The following KAZN variants were observed in gnomAD, a reference collection of about 807,000 sequenced individuals.
The protein encoded by KAZN is kazrin.
Under a neutral mutation model 87.4 loss-of-function variants are expected in KAZN, and 40 were observed. The ratio of observed to expected loss-of-function variants is 0.46; its 90% CI spans 0.36 to 0.60. The LOEUF is 0.60. KAZN is among the 20% of genes least tolerant of loss of function. The pLI, the probability that KAZN is intolerant of heterozygous loss-of-function variation, is 0.00. For missense variants in KAZN, 898 were observed against 1,073.9 expected (o/e 0.84, Z 2.29); for synonymous variants, 466 against 458.3 (o/e 1.02, Z -0.22).
intron 1 of KAZN, among the ~76,000 whole-genome samples, chr1:13,920,307 G>C (rs889216890): frequency 6.7e-6 from 1 of 149,710 alleles, no homozygotes; most frequent in African/African-American, 2.5e-5. Context: ...TTTTTGCCAT[G>C]AATCAAGTGT....
intron 1 of KAZN, among the ~76,000 whole-genome samples, chr1:14,137,724 T>G (rs1186252273): frequency 1.4e-5 from 2 of 146,352 alleles, no homozygotes; most frequent in African/African-American, 5.1e-5. Context: ...TTTTTTTTTT[T>G]TGAGACAGAG....
chr1:14,337,135 G>A (rs779175275), intron 2 of KAZN, among the ~76,000 whole-genome samples: 1 of 152,224 alleles, frequency 6.6e-6, no homozygotes, highest in Non-Finnish European at 1.5e-5. Flanking sequence ...CGCATATGAA[G>A]CACTTAGCAC....
chr1:14,084,365 T>A (rs1409113269), intron 1 of KAZN, among the ~76,000 whole-genome samples: 1 of 152,124 alleles, frequency 6.6e-6, no homozygotes, highest in South Asian at 2.1e-4. Context: ...GTCAGTCAGA[T>A]GTTGGATTTA....
At chr1:14,129,305 T>A (rs1218483400) in intron 1 of KAZN, among the ~76,000 whole-genome samples, 1 of 152,244 alleles carries the variant, frequency 6.6e-6, no homozygotes, top group Non-Finnish European at 1.5e-5. Context: ...TGTGCTCTTC[T>A]TTCCCTCTGA....
chr1:14,055,925 G>A (rs188983325), intron 1 of KAZN, among the ~76,000 whole-genome samples: 39 of 152,264 alleles, frequency 2.6e-4, no homozygotes, highest in Admixed American at 9.8e-4. Flanking sequence ...CCCCACCAGG[G>A]TCTTAATCGT....
chr1:14,260,654 A>C (rs1650941771), intron 2 of KAZN, among the ~76,000 whole-genome samples: 1 of 152,176 alleles, frequency 6.6e-6, no homozygotes. Flanking sequence ...AGTAAAGGAC[A>C]CGGGCCCGGC....
intron 2 of KAZN, among the ~76,000 whole-genome samples, chr1:14,225,322 A>G (rs1647224315): frequency 6.6e-6 from 1 of 152,186 alleles, no homozygotes; most frequent in Non-Finnish European, 1.5e-5. Flanking sequence ...TCAGCTAACC[A>G]GGGAGGTGAA....
At chr1:14,613,372 A>G (rs866722913) in intron 1 of KAZN, among the ~76,000 whole-genome samples, 2 of 152,216 alleles carry the variant, frequency 1.3e-5, no homozygotes, top group East Asian at 3.8e-4. Context: ...CAGTATTAAC[A>G]TTAGCCAGGG....
chr1:14,434,915 C>T (rs1192295104), intron 2 of KAZN, among the ~76,000 whole-genome samples: 1 of 152,154 alleles, frequency 6.6e-6, no homozygotes, highest in Non-Finnish European at 1.5e-5. Context: ...ATCCACTGTG[C>T]TGCTGACACA....
At chr1:14,716,382 C>G (rs1218252539) in intron 1 of KAZN, among the ~76,000 whole-genome samples, 3 of 152,234 alleles carry the variant, frequency 2.0e-5, no homozygotes, top group African/African-American at 7.2e-5. Flanking sequence ...ATCTTCAGCT[C>G]TTTCCTCTCC....
chr1:14,087,648 G>GT (rs1335224099), intron 1 of KAZN, among the ~76,000 whole-genome samples: 25 of 149,858 alleles, frequency 1.7e-4, no homozygotes, highest in Middle Eastern at 3.4e-3. Flanking sequence ...TTTGCTGAGA[G>GT]TTTTTTTTAT....
intron 1 of KAZN, among the ~76,000 whole-genome samples, chr1:14,005,278 C>A (rs1004282197): frequency 6.6e-6 from 1 of 152,096 alleles, no homozygotes; most frequent in Non-Finnish European, 1.5e-5. Flanking sequence ...AAGCTGATGG[C>A]CGCAGAGAAA....
intron 2 of KAZN, among the ~76,000 whole-genome samples, chr1:14,292,981 G>A (rs1465482215): frequency 6.6e-6 from 1 of 152,196 alleles, no homozygotes; most frequent in Non-Finnish European, 1.5e-5. Flanking sequence ...GGTCAGCACT[G>A]AGCATGCTGG....
chr1:14,600,258 C>T (rs1235803073), intron 1 of KAZN, among the ~76,000 whole-genome samples: 1 of 152,186 alleles, frequency 6.6e-6, no homozygotes, highest in Non-Finnish European at 1.5e-5. Context: ...ACTTGAAGTG[C>T]AAGGTACCAA....
intron 1 of KAZN, among the ~76,000 whole-genome samples, chr1:14,693,984 C>T (rs1051124899): frequency 6.6e-6 from 1 of 152,136 alleles, no homozygotes; most frequent in African/African-American, 2.4e-5. Flanking sequence ...GATTTTAACT[C>T]GAGGCAGTGG....
chr1:14,224,833 C>T (rs1286314265), intron 2 of KAZN, among the ~76,000 whole-genome samples: 2 of 152,104 alleles, frequency 1.3e-5, no homozygotes, highest in Non-Finnish European at 2.9e-5. Context: ...TCCGTTTGCT[C>T]CCTTAAAATA....
At chr1:14,162,941 G>T (rs6675813) in intron 1 of KAZN, among the ~76,000 whole-genome samples, 18 of 152,014 alleles carry the variant, frequency 1.2e-4, no homozygotes, top group African/African-American at 4.1e-4. Flanking sequence ...CATCTGCAGA[G>T]AATAAAATTT....
rs1383730711 is a variant in KAZN at position 14,820,975 on chromosome 1, T to C, written c.227-139709T>C. ...AGCAGGACCGTGGTCTGTTCTGTGA[T>C]GGATTGTCGGGAGAAACGGGAGCGT... On this transcript the variant is annotated intron_variant, in intron 1 of 14. Transcript: ENST00000376030. This position sits in a 1 kb window ranked among gnomAD's most constrained non-coding sequence, Gnocchi z 4.1. Among the ~76,000 whole-genome samples the C allele has an allele frequency of 2.6e-5, 4 of 152,118 alleles. No homozygotes were observed. Among genetic ancestry groups the C allele is most frequent in the African/African-American group, 9.7e-5 (4 of 41,408 alleles).
chr1:14,393,978 G>C (rs1662675312), intron 2 of KAZN, among the ~76,000 whole-genome samples: 1 of 152,030 alleles, frequency 6.6e-6, no homozygotes, highest in African/African-American at 2.4e-5. Context: ...TTAGAGCTTT[G>C]CTGTTAAGGA....
Sources: allele counts gnomAD v4.1 joint callset (sites outside exome capture counted in the v4.1 genomes callset), GRCh38; gene constraint gnomAD v4.1.1; non-coding constraint Gnocchi (gnomAD v3.1); transcripts MANE v1.5; gene names NCBI Gene and HGNC (gene_info 2026-07-23, HGNC 2026-07-21).